WFDC2: variants seen among roughly 807,000 people sequenced by gnomAD.
WFDC2 encodes the protein WAP four-disulfide core domain protein 2.
A neutral mutation model predicts 12.5 loss-of-function variants in WFDC2; 8 were observed. The ratio of observed to expected loss-of-function variants is 0.64; its 90% confidence interval spans 0.37 to 1.15. The LOEUF (loss-of-function observed/expected upper bound fraction) is 1.15. Among genes scored for constraint, WFDC2 ranks in the 50% most tolerant of loss-of-function variants. The pLI is 0.01. For missense variants in WFDC2, 166 were observed against 159.9 expected (o/e 1.04, Z -0.21); for synonymous variants, 74 against 67.2 (o/e 1.10, Z -0.49).
intron 2 of WFDC2, among the ~76,000 whole-genome samples, chr20:45,474,388 G>A (rs1410206337): frequency 2.6e-5 from 4 of 152,134 alleles, no homozygotes; most frequent in Non-Finnish European, 5.9e-5. Context: ...TTAGCATGAA[G>A]GGTGTTGAAT....
chr20:45,470,357 C>T lies in WFDC2; in HGVS notation c.80-32C>T, dbSNP rs370815953. On this transcript the variant is annotated intron_variant, in intron 1 of 3. Transcript: ENST00000372676. The surrounding 1 kb of genome is among the most constrained non-coding windows in gnomAD (Gnocchi z 5.4). ...ATCCTCTGGGGCTGGCGCTACGCCC[C>T]ACCCTCGACTGTCCCGGGCCTCCCC... 5.1e-6 allele frequency: 8 copies of T among 1,555,264 alleles called. No individual in the cohort carries two copies. The highest frequency in any genetic ancestry group is 7.0e-6 in the Non-Finnish European group (8 of 1,148,008).
chr20:45,473,568 C>T (rs1991198706), intron 2 of WFDC2, among the ~76,000 whole-genome samples: 2 of 152,130 alleles, frequency 1.3e-5, no homozygotes, highest in African/African-American at 4.8e-5. Flanking sequence ...CAGTACCATG[C>T]TGTTTTGGTT....
In WFDC2 at chr20:45,469,839, T is replaced by G. The variant is rs1354576563; in HGVS notation, c.58T>G (p.Phe20Val). 1.2e-6 allele frequency: 2 copies of G among 1,610,792 alleles called. No homozygotes were observed. The highest frequency in any genetic ancestry group is 2.7e-5 in the African/African-American group (2 of 74,912). The change falls in exon 1 of 4, where the codon TTC becomes GTC. Residue 20 changes from phenylalanine to valine, a missense_variant. Phe to Val is a conservative substitution (Grantham distance 50). Coordinates refer to ENST00000372676, the MANE Select transcript of WFDC2 (RefSeq NM_006103.4). Reference protein sequence around the residue: ...AAALLLSLLLFGFTLVSGTGA... With the variant: ...AAALLLSLLLVGFTLVSGTGA... ...CGCCCTCCTCCTCAGCCTGCTGCTG[T>G]TCGGCTTCACCCTAGTCTCAGGTGA...
intron 2 of WFDC2, among the ~76,000 whole-genome samples, chr20:45,472,157 C>A (rs144303624): frequency 5.3e-5 from 8 of 152,178 alleles, no homozygotes; most frequent in Non-Finnish European, 7.3e-5. Context: ...CTGGGGTACA[C>A]GTGCAGAACG....
intron 2 of WFDC2, among the ~76,000 whole-genome samples, chr20:45,476,881 T>C (rs1336771977): frequency 6.6e-6 from 1 of 152,052 alleles, no homozygotes. Context: ...TTCCTTTTCA[T>C]TATTTTTTCT....
At chr20:45,476,828 C>A (rs1462301381) in intron 2 of WFDC2, among the ~76,000 whole-genome samples, 1 of 152,130 alleles carries the variant, frequency 6.6e-6, no homozygotes, top group South Asian at 2.1e-4. Flanking sequence ...TAGGTTTGGT[C>A]TTTTCACATA....
In WFDC2 at chr20:45,470,620, G is replaced by GC; in HGVS notation, c.223+93dup. ...GGGCCCGGGTTCCGGGAACAGGGGC[G>GC]CCCCCGGACCCGGGGACCCCCGGGA... On this transcript the variant is annotated intron_variant, in intron 2 of 3. Transcript: ENST00000372676. This position sits in a 1 kb window ranked among gnomAD's most constrained non-coding sequence, Gnocchi z 5.4. 7 of 1,455,046 alleles carry GC rather than the reference G, an allele frequency of 4.8e-6. No individual in the cohort carries two copies. The highest frequency in any genetic ancestry group is 5.4e-6 in the Non-Finnish European group (6 of 1,103,274). The allele number at this position is 1,455,046 out of a possible 1,614,324, so 90.1% of individuals were successfully genotyped here. A position where few individuals can be genotyped will look rare whatever the true frequency, so the allele number is the denominator to read the frequency against.
intron 3 of WFDC2, among the ~76,000 whole-genome samples, chr20:45,480,433 C>T (rs1477541515): frequency 1.3e-5 from 2 of 150,272 alleles, no homozygotes; most frequent in Non-Finnish European, 2.9e-5. Flanking sequence ...TGGAGAAACC[C>T]CGTCTCTACT....
Position 45,470,489 on chromosome 20 carries a change from G to T in WFDC2, c.180G>T (p.Lys60Asn), listed in dbSNP as rs747458947. The T allele has an allele frequency of 3.8e-6, 6 of 1,598,816 alleles. No individual in the cohort carries two copies. The highest frequency in any genetic ancestry group is 3.4e-6 in the Non-Finnish European group (4 of 1,172,362). Reference sequence around the variant, plus strand: ...ACAGCGAATGCGCCGACAACCTCAAGTGCTGCAGCGCGGGCTGTGCCACCT... The same window carrying T: ...ACAGCGAATGCGCCGACAACCTCAATTGCTGCAGCGCGGGCTGTGCCACCT... The part of the protein sequence containing the change: ...VSDSECADNL[K>N]CCSAGCATFC... Residue 60 changes from lysine (K) to asparagine (N), a missense_variant, in exon 2 of 4, where the codon AAG (lysine) becomes AAT (asparagine). Transcript: ENST00000372676. This position sits in a 1 kb window ranked among gnomAD's most constrained non-coding sequence, Gnocchi z 5.4.
At chr20:45,477,450 C>T (rs527328665) in intron 2 of WFDC2, among the ~76,000 whole-genome samples, 1 of 152,074 alleles carries the variant, frequency 6.6e-6, no homozygotes, top group African/African-American at 2.4e-5. Flanking sequence ...GGTCTGTTGG[C>T]GTTTGCTGGA....
rs772425031 is a variant in WFDC2 at position 45,470,420 on chromosome 20, C to T, written c.111C>T (p.Pro37=). Residue 37 remains proline (P), a synonymous_variant, in exon 2 of 4, where the codon CCC becomes CCT. Transcript: ENST00000372676. The surrounding 1 kb of genome is among the most constrained non-coding windows in gnomAD (Gnocchi z 5.4). ...GTGAEKTGVC[P]ELQADQNCTQ... ...GAGCAGAGAAGACTGGCGTGTGCCC[C>T]GAGCTCCAGGCTGACCAGAACTGCA... 6.3e-7 allele frequency: 1 copy of T among 1,591,396 alleles called. No individual in the cohort carries two copies. Among genetic ancestry groups the T allele is most frequent in the Non-Finnish European group, 8.6e-7 (1 of 1,168,098 alleles).
At chr20:45,479,813 T>G (rs1309435789) in intron 2 of WFDC2, 129 bp from the exon 3 acceptor site, 9 of 1,613,174 alleles carry the variant, frequency 5.6e-6, no homozygotes, top group Admixed American at 1.7e-5. Context: ...GTGCCCAAGA[T>G]GGACTCAGGC....
chr20:45,480,380 C>G, intron 3 of WFDC2, among the ~76,000 whole-genome samples: 1 of 150,086 alleles, frequency 6.7e-6, no homozygotes, highest in East Asian at 2.0e-4. Flanking sequence ...CTGAGGTGTG[C>G]GGATCACCTG....
chr20:45,471,918 T>C (rs1015431543), intron 2 of WFDC2, among the ~76,000 whole-genome samples: 1 of 152,152 alleles, frequency 6.6e-6, no homozygotes, highest in Admixed American at 6.5e-5. Context: ...CCAAACTCTA[T>C]AGGATTGGCA....
At chr20:45,480,140 G>A in intron 3 of WFDC2, 46 bp downstream of exon 3, 1 of 1,606,894 alleles carries the variant, frequency 6.2e-7, no homozygotes, top group Non-Finnish European at 8.5e-7. Context: ...CAGGTGTTGT[G>A]GGAAACAGGA....
intron 2 of WFDC2, chr20:45,479,375 T>C: frequency 2.1e-6 from 1 of 471,050 alleles, no homozygotes; most frequent in Non-Finnish European, 3.8e-6. Context: ...TGTGTGACCT[T>C]AGGCAAATTA....
intron 2 of WFDC2, among the ~76,000 whole-genome samples, chr20:45,474,612 C>T (rs1334264588): frequency 2.0e-5 from 3 of 152,188 alleles, no homozygotes; most frequent in Non-Finnish European, 4.4e-5. Context: ...CACTGATGTT[C>T]ATCAGGGATA....
At chr20:45,477,108 A>C (rs772486840) in intron 2 of WFDC2, among the ~76,000 whole-genome samples, 3 of 151,916 alleles carry the variant, frequency 2.0e-5, no homozygotes, top group Non-Finnish European at 4.4e-5. Flanking sequence ...CCTTTCTTGC[A>C]TTGGGGTTAG....
Position 45,470,655 on chromosome 20 carries a change from C to A in WFDC2, c.223+123C>A, listed in dbSNP as rs945962033. The A allele has an allele frequency of 2.3e-6, 3 of 1,330,534 alleles. No individual in the cohort carries two copies. The highest frequency in any genetic ancestry group is 3.0e-6 in the Non-Finnish European group (3 of 1,000,316). The allele number at this position is 1,330,534 out of a possible 1,614,324, so 82.4% of individuals were successfully genotyped here. A position where few individuals can be genotyped will look rare whatever the true frequency, so the allele number is the denominator to read the frequency against. ...CCGGGGACCCCCGGGAAAGTCAAGG[C>A]GGTTGAAACCAGATCCGTCAGTCCT... is the stretch of plus-strand genomic sequence containing the variant. On this transcript the variant is annotated intron_variant, in intron 2 of 3. Transcript: ENST00000372676. This position sits in a 1 kb window ranked among gnomAD's most constrained non-coding sequence, Gnocchi z 5.4.
Sources: gnomAD v4.1 joint callset for allele counts (sites outside exome capture counted in the v4.1 genomes callset) on GRCh38, gnomAD v4.1.1 for gene constraint, Gnocchi (gnomAD v3.1) non-coding constraint, MANE v1.5 for transcripts, NCBI Gene and HGNC (gene_info 2026-07-23, HGNC 2026-07-21) for gene names.